OSBPL10: variants seen among roughly 807,000 people sequenced by gnomAD.
The protein encoded by OSBPL10 is oxysterol-binding protein-related protein 10.
Under a neutral mutation model 81.7 loss-of-function variants are expected in OSBPL10, and 49 were observed. The ratio of observed to expected loss-of-function variants is 0.60; its 90% CI spans 0.48 to 0.76. The LOEUF is 0.76. Ranked by LOEUF, OSBPL10 falls within the 30% of genes least tolerant of loss-of-function variation. The probability of loss-of-function intolerance (pLI) is 0.00; values close to 1 mark genes in which losing one functional copy is unlikely to be tolerated. For synonymous variants in OSBPL10, 419 were observed against 383.6 expected (o/e 1.09, Z -1.08); for missense variants, 923 against 987.8 (o/e 0.93, Z 0.88).
At chr3:31,852,295 G>A (rs765982032) in intron 3 of OSBPL10, among the ~76,000 whole-genome samples, 13 of 152,114 alleles carry the variant, frequency 8.5e-5, no homozygotes, top group Non-Finnish European at 1.6e-4. Context: ...ACCGGCAGTC[G>A]GGGGCAGGGG....
chr3:31,877,967 A>G (rs991595237), intron 2 of OSBPL10, among the ~76,000 whole-genome samples: 5 of 152,262 alleles, frequency 3.3e-5, no homozygotes, highest in South Asian at 2.1e-4. Context: ...CCATGATCCA[A>G]CTCCTACTAT....
intron 1 of OSBPL10, among the ~76,000 whole-genome samples, chr3:32,056,389 A>G (rs1248420731): frequency 2.0e-5 from 3 of 152,252 alleles, no homozygotes; most frequent in African/African-American, 7.2e-5. Flanking sequence ...ACAATTGCCC[A>G]GTTCATGGAA....
chr3:31,891,938 CCAGGT>C (rs1464990324), intron 1 of OSBPL10, among the ~76,000 whole-genome samples: 2 of 152,058 alleles, frequency 1.3e-5, no homozygotes, highest in Admixed American at 6.5e-5. Context: ...CTGCTATGAG[CCAGGT>C]ATTGTGCTAA....
chr3:31,953,215 G>A (rs1440232995), intron 1 of OSBPL10, among the ~76,000 whole-genome samples: 1 of 152,070 alleles, frequency 6.6e-6, no homozygotes. Flanking sequence ...TTACAGGCGT[G>A]AGCCAGCGCG....
At chr3:31,821,031 C>T (rs2125506015) in intron 4 of OSBPL10, among the ~76,000 whole-genome samples, 1 of 152,218 alleles carries the variant, frequency 6.6e-6, no homozygotes, top group Admixed American at 6.5e-5. Context: ...TACCTAATTT[C>T]CAGGTGTAAC....
At chr3:31,956,110 G>A (rs1698000363) in intron 1 of OSBPL10, among the ~76,000 whole-genome samples, 1 of 152,142 alleles carries the variant, frequency 6.6e-6, no homozygotes, top group Non-Finnish European at 1.5e-5. Flanking sequence ...TAAATCCCTG[G>A]CTACTTAGAC....
intron 1 of OSBPL10, among the ~76,000 whole-genome samples, chr3:31,887,677 A>G (rs1332256787): frequency 6.6e-6 from 1 of 152,188 alleles, no homozygotes; most frequent in African/African-American, 2.4e-5. Context: ...GAAAATAGTA[A>G]GTTTTCTAGA....
chr3:31,760,967 G>T (rs1012859539), intron 4 of OSBPL10, among the ~76,000 whole-genome samples: 3 of 151,264 alleles, frequency 2.0e-5, no homozygotes, highest in Non-Finnish European at 4.4e-5. Flanking sequence ...AAGAGGAACT[G>T]CTAAGTTTTT....
chr3:31,945,837 A>G (rs1390385755), intron 1 of OSBPL10, among the ~76,000 whole-genome samples: 1 of 152,258 alleles, frequency 6.6e-6, no homozygotes, highest in Admixed American at 6.5e-5. Context: ...ATAACGTATC[A>G]TGCATACAAA....
intron 2 of OSBPL10, among the ~76,000 whole-genome samples, chr3:32,026,057 T>TAGATGATAGATAGATGATTGATAGATA (rs58717718): frequency 1.3e-4 from 15 of 111,332 alleles, no homozygotes; most frequent in Non-Finnish European, 2.4e-4. Flanking sequence ...GATAGATAGA[T>TAGATGATAGATAGATGATTGATAGATA]GATAGATAGA....
intron 7 of OSBPL10, among the ~76,000 whole-genome samples, chr3:31,699,504 A>T (rs1575484128): frequency 6.6e-6 from 1 of 152,214 alleles, no homozygotes; most frequent in African/African-American, 2.4e-5. Flanking sequence ...CACCCTGAGG[A>T]AAGAGGGCAG....
chr3:31,685,753 T>G (rs562571269), intron 7 of OSBPL10, among the ~76,000 whole-genome samples: 5 of 152,104 alleles, frequency 3.3e-5, no homozygotes, highest in Non-Finnish European at 7.4e-5. Flanking sequence ...GGACCACAAA[T>G]ATCACACAGG....
intron 7 of OSBPL10, among the ~76,000 whole-genome samples, chr3:31,687,940 G>A (rs1222467229): frequency 7.1e-6 from 1 of 140,998 alleles, no homozygotes; most frequent in East Asian, 2.0e-4. Flanking sequence ...TTTAAAAGAA[G>A]TGGGCAAAGG....
chr3:31,905,891 GAA>G (rs1330657085), intron 1 of OSBPL10, among the ~76,000 whole-genome samples: 2 of 106,764 alleles, frequency 1.9e-5, no homozygotes, highest in African/African-American at 9.6e-5. Flanking sequence ...TCACCTCAAA[GAA>G]GGAAAAAAAA....
chr3:31,676,084 G>T (rs1021119273), intron 8 of OSBPL10, among the ~76,000 whole-genome samples: 6 of 151,596 alleles, frequency 4.0e-5, no homozygotes, highest in African/African-American at 1.2e-4. Context: ...TTTTTCTTCA[G>T]AAAAATCTCT....
chr3:31,699,188 G>A (rs1435226706), intron 7 of OSBPL10, among the ~76,000 whole-genome samples: 1 of 152,200 alleles, frequency 6.6e-6, no homozygotes. Context: ...CAACAGTCAT[G>A]TCAGGATCTC....
chr3:31,937,290 A>AG (rs1252425721), intron 1 of OSBPL10, among the ~76,000 whole-genome samples: 1 of 151,946 alleles, frequency 6.6e-6, no homozygotes, highest in Non-Finnish European at 1.5e-5. Context: ...AAAAAAAAAA[A>AG]AAAGAAAGAA....
intron 6 of OSBPL10, among the ~76,000 whole-genome samples, chr3:31,731,219 G>GA (rs1163302409): frequency 6.6e-6 from 1 of 151,994 alleles, no homozygotes; most frequent in African/African-American, 2.4e-5. Context: ...GCACTCACTA[G>GA]AAAAAATGAG....
At chr3:31,800,872 A>C (rs1699360091) in intron 4 of OSBPL10, among the ~76,000 whole-genome samples, 1 of 152,184 alleles carries the variant, frequency 6.6e-6, no homozygotes, top group Non-Finnish European at 1.5e-5. Flanking sequence ...GGCTTGCTCT[A>C]GGAGGTTTTT....
Sources: allele counts gnomAD v4.1 joint callset (sites outside exome capture counted in the v4.1 genomes callset), GRCh38; gene constraint gnomAD v4.1.1; transcripts MANE v1.5; gene names NCBI Gene and HGNC (gene_info 2026-07-23, HGNC 2026-07-21).